Variants in CNBD1 observed in about 807,000 individuals in gnomAD.
The protein encoded by CNBD1 is cyclic nucleotide binding domain containing 1.
In CNBD1, 71 loss-of-function variants were observed where a neutral mutation model predicts 54.4. That is an observed-to-expected ratio of 1.30 (90% CI 1.08 to 1.59). The LOEUF (loss-of-function observed/expected upper bound fraction) is 1.59, where lower values mean the gene tolerates loss of function less well. CNBD1 is among the 40% of genes most tolerant of loss of function. The pLI is 0.00. For missense variants in CNBD1, 659 were observed against 518.0 expected, an observed-to-expected ratio of 1.27 and a Z score of -2.64; for synonymous variants, 182 against 170.7, an observed-to-expected ratio of 1.07 and a Z score of -0.51.
chr8:87,283,389 G>A (rs1444281471), intron 6 of CNBD1, among the ~76,000 whole-genome samples: 5 of 151,954 alleles, frequency 3.3e-5, no homozygotes, highest in Middle Eastern at 3.4e-3. Context: ...TGTGTGGCTT[G>A]TAATTTTTTT....
intron 4 of CNBD1, among the ~76,000 whole-genome samples, chr8:87,200,982 T>C (rs1156789567): frequency 2.0e-5 from 3 of 152,160 alleles, no homozygotes; most frequent in African/African-American, 7.2e-5. Context: ...TTATGAATAT[T>C]GATGCAAATA....
chr8:87,389,600 G>A (rs1382374246), intron 2 of CNBD1, among the ~76,000 whole-genome samples: 6 of 152,102 alleles, frequency 3.9e-5, no homozygotes, highest in African/African-American at 1.4e-4. Context: ...AGTAATAAAA[G>A]AGGATACAAA....
At chr8:86,967,996 G>T (rs747738078) in intron 4 of CNBD1, among the ~76,000 whole-genome samples, 3 of 151,984 alleles carry the variant, frequency 2.0e-5, no homozygotes, top group Non-Finnish European at 4.4e-5. Flanking sequence ...TCAGTTTTTG[G>T]TGAGCTTGTG....
In CNBD1 at chr8:87,117,306, C is replaced by G. The variant is rs138302764; in HGVS notation, c.432-88687C>G. 9.0e-3 allele frequency among the ~76,000 whole-genome samples: 1,345 copies of G among 149,078 alleles called. 24 individuals carry two copies. The highest frequency in any genetic ancestry group is 0.028 in the African/African-American group (1,144 of 40,332). On this transcript the variant is annotated intron_variant, in intron 4 of 10. Coordinates refer to ENST00000518476, the MANE Select transcript of CNBD1 (RefSeq NM_173538.3). ...CCCAGCTACTCAGGAGGCTGAGGGA[C>G]GAGAATTGCTTAAACCCAGGAGGCA...
chr8:87,320,878 CT>C (rs1280835198), intron 8 of CNBD1, among the ~76,000 whole-genome samples: 1 of 152,072 alleles, frequency 6.6e-6, no homozygotes, highest in Non-Finnish European at 1.5e-5. Context: ...TTCACCTTCC[CT>C]GCAGCCCCTG....
intron 5 of CNBD1, among the ~76,000 whole-genome samples, chr8:87,234,238 A>G (rs1166849423): frequency 6.6e-6 from 1 of 152,148 alleles, no homozygotes; most frequent in Non-Finnish European, 1.5e-5. Flanking sequence ...AACTCCTGTT[A>G]GTGTTGATAT....
At chr8:87,245,632 G>T (rs1807786462) in intron 6 of CNBD1, among the ~76,000 whole-genome samples, 1 of 152,022 alleles carries the variant, frequency 6.6e-6, no homozygotes, top group Non-Finnish European at 1.5e-5. Context: ...TGTTATATTT[G>T]AAGGTAGGAA....
intron 4 of CNBD1, among the ~76,000 whole-genome samples, chr8:87,113,313 A>C (rs1051264843): frequency 6.6e-6 from 1 of 152,196 alleles, no homozygotes; most frequent in Non-Finnish European, 1.5e-5. Context: ...AATACTGAAA[A>C]ATAAATTACT....
rs533729790 is a variant in CNBD1, at chr8:87,303,494, G to T, written c.1042+16823G>T. Among the ~76,000 whole-genome samples, 97 of 151,946 alleles carry T rather than the reference G, an allele frequency of 6.4e-4. 1 individual carries two copies. Among genetic ancestry groups the T allele is most frequent in the Non-Finnish European group, 1.2e-3 (79 of 67,888 alleles). On this transcript the variant is annotated intron_variant, in intron 8 of 10. Transcript: ENST00000518476. ...CTTATACAAAAATTAATTCAAGATG[G>T]ATTAAAGACTTAAATGTTAGACCTA...
intron 4 of CNBD1, chr8:87,044,475 G>A (rs547306632): frequency 6.6e-6 from 1 of 152,224 alleles, no homozygotes; most frequent in East Asian, 1.9e-4. Context: ...TGAGGTTAGA[G>A]CAAAAGTTTA....
intron 6 of CNBD1, among the ~76,000 whole-genome samples, chr8:87,264,274 T>C (rs765630334): frequency 5.9e-5 from 9 of 152,158 alleles, no homozygotes; most frequent in African/African-American, 1.7e-4. Flanking sequence ...TTGCGATAGT[T>C]TGCTGAGAAC....
At chr8:86,927,128 T>C (rs1271067400) in intron 3 of CNBD1, among the ~76,000 whole-genome samples, 1 of 152,254 alleles carries the variant, frequency 6.6e-6, no homozygotes, top group Admixed American at 6.5e-5. Flanking sequence ...GAGTTTGTTG[T>C]TTTCATTTTC....
intron 8 of CNBD1, among the ~76,000 whole-genome samples, chr8:87,296,951 G>A (rs550642784): frequency 2.6e-5 from 4 of 151,894 alleles, no homozygotes; most frequent in East Asian, 1.9e-4. Context: ...CGAGGCGGGC[G>A]GATCACGAAG....
At chr8:87,039,672 T>C (rs1288547194) in intron 4 of CNBD1, among the ~76,000 whole-genome samples, 1 of 152,216 alleles carries the variant, frequency 6.6e-6, no homozygotes, top group East Asian at 1.9e-4. Context: ...CAGGGCTGGC[T>C]GTGCTGGAGA....
At chr8:87,029,103 A>G (rs1809722751) in intron 4 of CNBD1, among the ~76,000 whole-genome samples, 1 of 152,234 alleles carries the variant, frequency 6.6e-6, no homozygotes. Flanking sequence ...AGTCTTCAAT[A>G]GAAGGTGATT....
At chr8:87,386,479 G>T (rs1343577447), downstream of CNBD1, among the ~76,000 whole-genome samples, 1 of 152,178 alleles carries the variant, frequency 6.6e-6, no homozygotes. Context: ...ACAAGCCTCA[G>T]TAGCCAATTC....
At chr8:87,168,525 T>C (rs1813013163) in intron 4 of CNBD1, among the ~76,000 whole-genome samples, 1 of 151,968 alleles carries the variant, frequency 6.6e-6, no homozygotes, top group Admixed American at 6.6e-5. Context: ...GTCTTATTTA[T>C]CCTTTCCATT....
chr8:87,402,443 AT>A, intron 2 of CNBD1, among the ~76,000 whole-genome samples: 1 of 152,086 alleles, frequency 6.6e-6, no homozygotes, highest in East Asian at 1.9e-4. Context: ...ATTAATTTCC[AT>A]TTGAGGCATA....
Position 86,888,180 on chromosome 8 carries a change from G to A in CNBD1, c.158+569G>A, listed in dbSNP as rs113213532. Among the ~76,000 whole-genome samples the A allele has an allele frequency of 5.8e-3, 886 of 152,210 alleles. 8 individuals are homozygous for A. The highest frequency in any genetic ancestry group is 0.02 in the African/African-American group (847 of 41,544). On this transcript the variant is annotated intron_variant, in intron 2 of 10. Transcript: ENST00000518476. ...CACTCATCCTTCATGGGACTGTTGA[G>A]GAAGGCCTTAGGTTTACAGAGTTTT...
Sources: gnomAD v4.1 joint callset for allele counts (sites outside exome capture counted in the v4.1 genomes callset) on GRCh38, gnomAD v4.1.1 for gene constraint, MANE v1.5 for transcripts, NCBI Gene and HGNC (gene_info 2026-07-23, HGNC 2026-07-21) for gene names.